LRBA: variants seen among roughly 807,000 people sequenced by gnomAD.
LRBA encodes the protein lipopolysaccharide-responsive and beige-like anchor protein.
LRBA carries 176 observed loss-of-function variants against 330.0 expected under a neutral mutation model. That is an observed-to-expected ratio of 0.53 (90% CI 0.47 to 0.60). LRBA has a LOEUF of 0.60. Among genes scored for constraint, LRBA ranks in the 20% least tolerant of loss-of-function variants. LRBA has a pLI of 0.00. For missense variants in LRBA, 3,259 were observed against 3,444.8 expected (o/e 0.95, Z 1.35); for synonymous variants, 1,230 against 1,193.0 (o/e 1.03, Z -0.64).
chr4:150,786,647 A>G (rs138865393), intron 34 of LRBA, among the ~76,000 whole-genome samples: 1 of 152,158 alleles, frequency 6.6e-6, no homozygotes, highest in African/African-American at 2.4e-5. Context: ...GCAAAAGAGG[A>G]CCATTTTCCA....
chr4:150,444,916 C>T (rs1409146306), intron 44 of LRBA, among the ~76,000 whole-genome samples: 6 of 152,078 alleles, frequency 3.9e-5, no homozygotes, highest in African/African-American at 1.2e-4. Context: ...AATTTTTCTA[C>T]AGGTGTTTAT....
chr4:150,499,922 T>A (rs995193716), intron 40 of LRBA, among the ~76,000 whole-genome samples: 1 of 151,906 alleles, frequency 6.6e-6, no homozygotes. Flanking sequence ...AAACAGAGGA[T>A]ACTAGAGGTT....
chr4:150,594,844 A>G (rs1639229223), intron 38 of LRBA, among the ~76,000 whole-genome samples: 1 of 151,990 alleles, frequency 6.6e-6, no homozygotes, highest in South Asian at 2.1e-4. Flanking sequence ...TGATTTATCT[A>G]TCCACCACAA....
intron 24 of LRBA, among the ~76,000 whole-genome samples, chr4:150,850,170 T>A (rs1393257553): frequency 6.6e-6 from 1 of 151,580 alleles, no homozygotes; most frequent in Admixed American, 6.6e-5. Flanking sequence ...CTCAGCTCAC[T>A]GCAAGCGCCA....
At chr4:150,382,297 T>C (rs777852819) in intron 47 of LRBA, among the ~76,000 whole-genome samples, 38 of 152,222 alleles carry the variant, frequency 2.5e-4, no homozygotes, top group East Asian at 9.7e-4. Flanking sequence ...TTTGTGTCAA[T>C]AGAGATTTGC....
intron 36 of LRBA, among the ~76,000 whole-genome samples, chr4:150,713,968 A>G (rs114921028): frequency 0.014 from 2,175 of 152,256 alleles, 56 homozygotes; most frequent in African/African-American, 0.048. Context: ...AAAAATATTC[A>G]ATTAGTTTGT....
At chr4:150,797,949 A>G in intron 34 of LRBA, 132 bp downstream of exon 34, 1 of 587,082 alleles carries the variant, frequency 1.7e-6, no homozygotes, top group Non-Finnish European at 3.1e-6. Flanking sequence ...AATACAAACA[A>G]AATTATTTTA....
chr4:150,383,392 G>A (rs1258703127), intron 47 of LRBA, among the ~76,000 whole-genome samples: 1 of 152,026 alleles, frequency 6.6e-6, no homozygotes, highest in African/African-American at 2.4e-5. Context: ...GACTACAGGT[G>A]TGTAGAACCA....
At chr4:150,893,027 T>C (rs1579116071) in intron 17 of LRBA, 25 bp downstream of exon 17, 2 of 1,404,422 alleles carry the variant, frequency 1.4e-6, no homozygotes, top group Non-Finnish European at 2.0e-6. Context: ...TAATCCCTTA[T>C]ATGAAATAGA....
chr4:150,345,296 G>A (rs1218196073), intron 48 of LRBA, among the ~76,000 whole-genome samples: 1 of 152,180 alleles, frequency 6.6e-6, no homozygotes, highest in Non-Finnish European at 1.5e-5. Flanking sequence ...TTCGGGTTTA[G>A]TAAAAGGTTG....
chr4:150,427,968 G>A (rs978651688), intron 46 of LRBA, among the ~76,000 whole-genome samples: 7 of 151,742 alleles, frequency 4.6e-5, no homozygotes, highest in African/African-American at 1.7e-4. Flanking sequence ...CAGACCTCTG[G>A]GATTTCTGAG....
At chr4:150,469,098 C>T (rs930076882) in intron 43 of LRBA, among the ~76,000 whole-genome samples, 1 of 151,920 alleles carries the variant, frequency 6.6e-6, no homozygotes, top group Non-Finnish European at 1.5e-5. Flanking sequence ...ACAGTAAAAT[C>T]GTCTTGTCCC....
chr4:150,676,483 A>G (rs1257359747), intron 37 of LRBA, among the ~76,000 whole-genome samples: 2 of 152,204 alleles, frequency 1.3e-5, no homozygotes, highest in Non-Finnish European at 2.9e-5. Context: ...ATACGAAAAG[A>G]AGAATTGTTC....
chr4:150,616,989 G>A (rs1775827204), intron 37 of LRBA, among the ~76,000 whole-genome samples: 1 of 152,174 alleles, frequency 6.6e-6, no homozygotes, highest in Non-Finnish European at 1.5e-5. Flanking sequence ...TTCATGTTCA[G>A]TTCATTAACC....
chr4:150,666,475 G>A (rs552201273), intron 37 of LRBA, among the ~76,000 whole-genome samples: 2 of 151,974 alleles, frequency 1.3e-5, no homozygotes, highest in East Asian at 1.9e-4. Context: ...TTGTGCCACT[G>A]TGTACTCCAG....
intron 51 of LRBA, among the ~76,000 whole-genome samples, chr4:150,311,524 G>C (rs1264712152): frequency 6.6e-6 from 1 of 152,172 alleles, no homozygotes; most frequent in Non-Finnish European, 1.5e-5. Flanking sequence ...ACTCTCCAGT[G>C]CTGTGCTGGG....
chr4:150,834,510 GA>G (rs1747697416), intron 28 of LRBA, among the ~76,000 whole-genome samples: 2 of 152,152 alleles, frequency 1.3e-5, no homozygotes, highest in Non-Finnish European at 2.9e-5. Flanking sequence ...GTAATAATTT[GA>G]AAAGACTCTT....
At chr4:150,874,935 G>C (rs1579065774) in intron 17 of LRBA, among the ~76,000 whole-genome samples, 1 of 152,184 alleles carries the variant, frequency 6.6e-6, no homozygotes, top group African/African-American at 2.4e-5. Flanking sequence ...TCCAGGTTCA[G>C]AGGGGTCCTC....
At chr4:151,001,954 C>A (rs72721734) in intron 2 of LRBA, among the ~76,000 whole-genome samples, 168 of 152,030 alleles carry the variant, frequency 1.1e-3, no homozygotes, top group Non-Finnish European at 1.7e-3. Flanking sequence ...ATAGTCCGAA[C>A]CCTAAGGCCC....
Sources: allele counts gnomAD v4.1 joint callset (sites outside exome capture counted in the v4.1 genomes callset), GRCh38; gene constraint gnomAD v4.1.1; transcripts MANE v1.5; gene names NCBI Gene and HGNC (gene_info 2026-07-23, HGNC 2026-07-21).